The following ZNF780A variants were observed in gnomAD, a reference collection of about 807,000 sequenced individuals.
The protein encoded by ZNF780A is zinc finger protein 780A.
In ZNF780A, 40 loss-of-function variants were observed where a neutral mutation model predicts 56.7. That is an observed-to-expected ratio of 0.71 (90% CI 0.55 to 0.92). The LOEUF is 0.92. Among genes scored for constraint, ZNF780A ranks in the 40% least tolerant of loss-of-function variants. The probability of loss-of-function intolerance (pLI) is 0.00; values close to 1 mark genes in which losing one functional copy is unlikely to be tolerated. For synonymous variants in ZNF780A, 231 were observed against 248.3 expected, an observed-to-expected ratio of 0.93 and a Z score of 0.66; for missense variants, 672 against 783.3, an observed-to-expected ratio of 0.86 and a Z score of 1.70.
rs1471089067 is a variant in ZNF780A, at chr19:40,075,889, T to C, written c.553A>G (p.Ser185Gly). ...AAGGGTTTCTCTCCAGTATGAATAC[T>C]CTGATGCTGAATAAGATTTGCACTA... ...SRSANLIQHQ[S>G]IHTGEKPFEC... The change falls in exon 6 of 6, where the codon AGT becomes GGT. Residue 185 changes from serine to glycine, a missense_variant. By Grantham distance (56) the Ser-to-Gly change is moderately conservative. Coordinates refer to ENST00000683561, the MANE Select transcript of ZNF780A (RefSeq NM_001142578.2). 8 of 1,614,014 alleles carry C rather than the reference T, an allele frequency of 5.0e-6. No individual in the cohort carries two copies. Among genetic ancestry groups the C allele is most frequent in the Non-Finnish European group, 6.8e-6 (8 of 1,180,008 alleles).
chr19:40,080,534 TG>T (rs1353804458), intron 5 of ZNF780A, among the ~76,000 whole-genome samples: 1 of 152,220 alleles, frequency 6.6e-6, no homozygotes, highest in Non-Finnish European at 1.5e-5. Flanking sequence ...GCAATATGGA[TG>T]GCATTGGATG....
rs2144895391 is a variant in ZNF780A at position 40,073,675 on chromosome 19, C to T, written c.*841G>A. On this transcript the variant is annotated 3_prime_UTR_variant, in exon 6 of 6. Coordinates refer to ENST00000683561, the MANE Select transcript of ZNF780A (RefSeq NM_001142578.2). Reference sequence around the variant, plus strand: ...GCTATAAAACGCCCCACATTCCTTACACTCAAAGATTTCTCAGAAGTATGA... The same window carrying T: ...GCTATAAAACGCCCCACATTCCTTATACTCAAAGATTTCTCAGAAGTATGA... 2 of 986,088 alleles carry T rather than the reference C, an allele frequency of 2.0e-6. No individual in the cohort carries two copies. The highest frequency in any genetic ancestry group is 1.2e-6 in the Non-Finnish European group (1 of 830,448). The allele number at this position is 986,088 out of a possible 1,614,324, so 61.1% of individuals were successfully genotyped here.
At chr19:40,090,107 A>G (rs1359474544) in intron 2 of ZNF780A, 59 bp downstream of exon 2, 7 of 152,166 alleles carry the variant, frequency 4.6e-5, no homozygotes, top group Admixed American at 4.6e-4. Context: ...TTAAGGGGAA[A>G]TCTCAATATT....
At chr19:40,080,843 A>C (rs1009589483) in intron 5 of ZNF780A, among the ~76,000 whole-genome samples, 1 of 152,200 alleles carries the variant, frequency 6.6e-6, no homozygotes, top group Non-Finnish European at 1.5e-5. Context: ...TGGAAAATAA[A>C]TTAAAAATAA....
chr19:40,071,540 T>C (rs1447619628), downstream of ZNF780A: 2 of 152,222 alleles, frequency 1.3e-5, no homozygotes, highest in Non-Finnish European at 2.9e-5. Flanking sequence ...TCTATTTCAA[T>C]TTTCATTTTG....
At chr19:40,083,591 G>T (rs958914370) in intron 3 of ZNF780A, among the ~76,000 whole-genome samples, 43 of 150,466 alleles carry the variant, frequency 2.9e-4, no homozygotes, top group African/African-American at 9.5e-4. Flanking sequence ...TTGAGCCCAG[G>T]AGTTCAAGGC....
chr19:40,085,015 A>G (rs1325479456), intron 2 of ZNF780A, among the ~76,000 whole-genome samples: 1 of 152,250 alleles, frequency 6.6e-6, no homozygotes, highest in Non-Finnish European at 1.5e-5. Context: ...CCTGCATCCC[A>G]GGGAACCTGC....
In ZNF780A at chr19:40,073,163, T is replaced by C. The variant is rs1973897615; in HGVS notation, c.*1353A>G. On this transcript the variant is annotated 3_prime_UTR_variant, in exon 6 of 6. Transcript: ENST00000683561. ...AATGGTACAACAAATATACAAAAAATAAACGTGCAAATTGTTAACAATTTT... is the reference window on the plus strand; with the variant it reads ...AATGGTACAACAAATATACAAAAAACAAACGTGCAAATTGTTAACAATTTT... The C allele has an allele frequency of 1.3e-5, 13 of 1,032,364 alleles. No individual in the cohort carries two copies. Among genetic ancestry groups the C allele is most frequent in the Non-Finnish European group, 1.6e-5 (13 of 794,540 alleles). The allele number at this position is 1,032,364 out of a possible 1,614,324, so 64.0% of individuals were successfully genotyped here. A position where few individuals can be genotyped will look rare whatever the true frequency, so the allele number is the denominator to read the frequency against.
Position 40,073,604 on chromosome 19 carries a change from T to C in ZNF780A, c.*912A>G. ...TACCCTATATTCCTCATTCAAAGACTTTCTCACAAGAATTATCTTCTCCGA... is the reference window on the plus strand; with the variant it reads ...TACCCTATATTCCTCATTCAAAGACCTTCTCACAAGAATTATCTTCTCCGA... On this transcript the variant is annotated 3_prime_UTR_variant, in exon 6 of 6. Transcript: ENST00000683561. The C allele has an allele frequency of 1.0e-6, 1 of 985,882 alleles. No individual in the cohort carries two copies. The highest frequency in any genetic ancestry group is 4.7e-5 in the South Asian group (1 of 21,288). The allele number at this position is 985,882 out of a possible 1,614,324, so 61.1% of individuals were successfully genotyped here. A position where few individuals can be genotyped will look rare whatever the true frequency, so the allele number is the denominator to read the frequency against.
rs773956995 is a variant in ZNF780A at position 40,075,193 on chromosome 19, A to G, written c.1249T>C (p.Tyr417His). ...CCTTTCCCACACTCCTTACATTCAT[A>G]TGGTTTTATACCAGCATGAATACTC... ...HQSIHAGIKPYECKECGKGFN... is the reference protein window; with the variant it reads ...HQSIHAGIKPHECKECGKGFN... Residue 417 changes from tyrosine (Y) to histidine (H), a missense_variant, in exon 6 of 6, where the codon TAT becomes CAT. By Grantham distance (83) the Tyr-to-His change is moderately conservative. Coordinates refer to ENST00000683561, the MANE Select transcript of ZNF780A (RefSeq NM_001142578.2). The G allele has an allele frequency of 3.1e-6, 5 of 1,613,436 alleles. No individual in the cohort carries two copies. The highest frequency in any genetic ancestry group is 1.3e-5 in the African/African-American group (1 of 74,688).
At chr19:40,083,940 C>A (rs184073483) in intron 3 of ZNF780A, among the ~76,000 whole-genome samples, 262 of 152,068 alleles carry the variant, frequency 1.7e-3, no homozygotes, top group African/African-American at 5.9e-3. Context: ...CACTCTGTTA[C>A]CCAGGCTGGA....
chr19:40,076,010 G>A lies in ZNF780A; in HGVS notation c.432C>T (p.Ser144=), dbSNP rs1294468694. 6.2e-7 allele frequency: 1 copy of A among 1,613,316 alleles called. No homozygotes were observed. Among genetic ancestry groups the A allele is most frequent in the Non-Finnish European group, 8.5e-7 (1 of 1,179,794 alleles). Residue 144 remains serine (S), a synonymous_variant, in exon 6 of 6, where the codon AGC becomes AGT. Coordinates refer to ENST00000683561, the MANE Select transcript of ZNF780A (RefSeq NM_001142578.2). ...GAGTATGAGTAGGCAGTTTTTCATA[G>A]CTGATCATCTTTTGATTGATATTTC... The part of the protein sequence containing the change: ...QEGNINQKMI[S]YEKLPTHTPH...
intron 2 of ZNF780A, among the ~76,000 whole-genome samples, chr19:40,088,754 G>A (rs144374316): frequency 2.8e-4 from 43 of 152,208 alleles, no homozygotes; most frequent in Admixed American, 3.3e-4. Flanking sequence ...CAACCTACGC[G>A]TCTAACAATG....
chr19:40,074,735 A>G lies in ZNF780A; in HGVS notation c.1707T>C (p.His569=), dbSNP rs1460866330. The change falls in exon 6 of 6, where the codon CAT becomes CAC. Residue 569 remains histidine, a synonymous_variant. Coordinates refer to ENST00000683561, the MANE Select transcript of ZNF780A (RefSeq NM_001142578.2). ...CKECGKAFRL[H]MHLIRHQKLH... The stretch of plus-strand genomic sequence containing the variant: ...ATTTCTGATGTCGAATAAGGTGCAT[A>G]TGAAGTCGAAAGGCTTTCCCACATT... 10 of 1,613,742 alleles carry G rather than the reference A, an allele frequency of 6.2e-6. No individual in the cohort carries two copies. Among genetic ancestry groups the G allele is most frequent in the Non-Finnish European group, 8.5e-6 (10 of 1,179,910 alleles).
Position 40,082,424 on chromosome 19 carries a change from G to T in ZNF780A, c.137-510C>A, listed in dbSNP as rs79408464. On this transcript the variant is annotated intron_variant, in intron 4 of 5. Coordinates refer to ENST00000683561, the MANE Select transcript of ZNF780A (RefSeq NM_001142578.2). ...TATTTTGCATCCTTAGACATTTATAGCTCACTCAGTATATTCACTAAATGA... is the reference window on the plus strand; with the variant it reads ...TATTTTGCATCCTTAGACATTTATATCTCACTCAGTATATTCACTAAATGA... Among the ~76,000 whole-genome samples, 1,459 of 152,166 alleles carry T rather than the reference G, an allele frequency of 9.6e-3. 9 individuals carry two copies. The highest frequency in any genetic ancestry group is 0.017 in the Middle Eastern group (5 of 294).
downstream of ZNF780A, chr19:40,072,472 A>G (rs1456507517): frequency 6.4e-6 from 1 of 157,370 alleles, no homozygotes; most frequent in Non-Finnish European, 1.4e-5. Flanking sequence ...GCCCGCTAAA[A>G]TGCTAATTAG....
chr19:40,085,688 T>C (rs1011229856), intron 2 of ZNF780A, among the ~76,000 whole-genome samples: 1 of 152,066 alleles, frequency 6.6e-6, no homozygotes, highest in Non-Finnish European at 1.5e-5. Flanking sequence ...GAGACCAACC[T>C]GGCCAACATG....
In ZNF780A at chr19:40,084,078, C is replaced by CT. The variant is rs1158885931; in HGVS notation, c.9+666dup. ...CCACAACAGGCTAATTTTTTTTTTT[C>CT]TTTTTTTAGAAGAGATGGGGTTTCA... On this transcript the variant is annotated intron_variant, in intron 3 of 5. Transcript: ENST00000683561. Among the ~76,000 whole-genome samples the CT allele has an allele frequency of 6.8e-5, 10 of 146,740 alleles. No homozygotes were observed. In the South Asian group the frequency reaches 1.7e-3, roughly 25 times the overall value.
At chr19:40,089,296 AT>A in intron 2 of ZNF780A, 1 of 1,387,396 alleles carries the variant, frequency 7.2e-7, no homozygotes. Context: ...AATACATACA[AT>A]TATATCTGTC....
Sources: allele counts gnomAD v4.1 joint callset (sites outside exome capture counted in the v4.1 genomes callset), GRCh38; gene constraint gnomAD v4.1.1; transcripts MANE v1.5; gene names NCBI Gene and HGNC (gene_info 2026-07-23, HGNC 2026-07-21).